The following SLC23A2 variants were observed in gnomAD, a reference collection of about 807,000 sequenced individuals.
SLC23A2 encodes the protein solute carrier family 23 member 2.
SLC23A2 carries 36 observed loss-of-function variants against 73.3 expected under a neutral mutation model. That is an observed-to-expected ratio of 0.49 (90% CI 0.38 to 0.65). The LOEUF is 0.65. SLC23A2 is among the 30% of genes least tolerant of loss of function. SLC23A2 has a pLI of 0.00. For missense variants in SLC23A2, 507 were observed against 841.6 expected, an observed-to-expected ratio of 0.60 and a Z score of 4.92; for synonymous variants, 343 against 327.3, an observed-to-expected ratio of 1.05 and a Z score of -0.52.
At chr20:4,900,696 T>C (rs572730176) in intron 5 of SLC23A2, among the ~76,000 whole-genome samples, 1 of 152,324 alleles carries the variant, frequency 6.6e-6, no homozygotes, top group East Asian at 1.9e-4. Flanking sequence ...ACAGTAGCCA[T>C]GGGAATCTTC....
At chr20:4,972,714 C>G (rs969150292) in intron 1 of SLC23A2, among the ~76,000 whole-genome samples, 1 of 151,976 alleles carries the variant, frequency 6.6e-6, no homozygotes, top group Non-Finnish European at 1.5e-5. Context: ...GCCTCCCGAG[C>G]AGCTGGGATT....
chr20:4,912,813 A>G lies in SLC23A2; in HGVS notation c.207+67T>C. On this transcript the variant is annotated intron_variant, in intron 4 of 16. Coordinates refer to ENST00000338244, the MANE Select transcript of SLC23A2 (RefSeq NM_005116.6). The stretch of plus-strand genomic sequence containing the variant: ...GTGTCTGAAAGGGATCCGGATCCAG[A>G]TCCGGGGCAGCACTTGTGGGAGGGG... The G allele has an allele frequency of 6.9e-6, 7 of 1,017,154 alleles. No individual in the cohort carries two copies. In the South Asian group the frequency reaches 9.0e-5, roughly 13 times the overall value. 63.0% of individuals were successfully genotyped at this position (1,017,154 alleles called of 1,614,324 possible). A position where few individuals can be genotyped will look rare whatever the true frequency, so the allele number is the denominator to read the frequency against.
chr20:4,952,709 T>C (rs1394250157), intron 2 of SLC23A2, among the ~76,000 whole-genome samples: 1 of 152,200 alleles, frequency 6.6e-6, no homozygotes, highest in Non-Finnish European at 1.5e-5. Context: ...CATTGCTCTC[T>C]AAACATATGC....
Position 4,899,795 on chromosome 20 carries a change from T to A in SLC23A2, c.325-83A>T. ...ATTTCATCCTAATTCTTCTCTCTTA[T>A]TGTCGTTAAAAAATAGCCCACATAA... On this transcript the variant is annotated intron_variant, in intron 5 of 16. Transcript: ENST00000338244. The surrounding 1 kb of genome is among the most constrained non-coding windows in gnomAD (Gnocchi z 4.9). The A allele has an allele frequency of 7.1e-7, 1 of 1,410,934 alleles. No homozygotes were observed. The highest frequency in any genetic ancestry group is 9.8e-7 in the Non-Finnish European group (1 of 1,023,154). The allele number at this position is 1,410,934 out of a possible 1,614,324, so 87.4% of individuals were successfully genotyped here.
chr20:4,994,452 G>A (rs770164174), intron 1 of SLC23A2, among the ~76,000 whole-genome samples: 6 of 152,096 alleles, frequency 3.9e-5, no homozygotes, highest in Admixed American at 1.3e-4. Context: ...AAGCCAAACC[G>A]AATTTGAGGC....
intron 4 of SLC23A2, among the ~76,000 whole-genome samples, chr20:4,906,611 C>T (rs1160378466): frequency 1.3e-5 from 2 of 152,094 alleles, no homozygotes; most frequent in South Asian, 2.1e-4. Context: ...CAGAGTGACA[C>T]TCTGTCTCAA....
intron 15 of SLC23A2, 108 bp from the exon 16 acceptor site, chr20:4,859,492 GA>G: frequency 4.0e-6 from 3 of 756,138 alleles, no homozygotes; most frequent in Non-Finnish European, 7.2e-6. Flanking sequence ...ATCAAAGCAG[GA>G]AAGGAAAGTG....
chr20:4,994,378 C>T lies in SLC23A2; in HGVS notation c.-282+7028G>A, dbSNP rs188610619. On this transcript the variant is annotated intron_variant, in intron 1 of 16. Coordinates refer to ENST00000338244, the MANE Select transcript of SLC23A2 (RefSeq NM_005116.6). The stretch of plus-strand genomic sequence containing the variant: ...CAAGGAAGGTGTTGTAGTTAGCCCC[C>T]AGCTAGGTGATCTGCCTTTGGAGAC... 4.3e-4 allele frequency among the ~76,000 whole-genome samples: 65 copies of T among 152,238 alleles called. 1 individual carries two copies. Among genetic ancestry groups the T allele is most frequent in the Non-Finnish European group, 1.9e-4 (13 of 68,028 alleles).
intron 3 of SLC23A2, among the ~76,000 whole-genome samples, chr20:4,916,835 C>A (rs184888721): frequency 2.0e-5 from 3 of 152,136 alleles, no homozygotes; most frequent in Admixed American, 6.5e-5. Context: ...ATAAAATAGG[C>A]TTTGTGTTAG....
At position 5,001,210 on chromosome 20, in the gene SLC23A2, G is replaced by A. The variant is rs537517198; in HGVS notation, c.-282+196C>T. Among the ~76,000 whole-genome samples, 152 of 150,692 alleles carry A rather than the reference G, an allele frequency of 1.0e-3. No homozygotes were observed. The South Asian group carries it at 0.01, about 10-fold the overall frequency. Reference sequence around the variant, plus strand: ...GCCGCCGGGCATCTTGGGCCCCGGGGCCAGGGTGGCCGGCGGGCGCGGGGT... The same window carrying A: ...GCCGCCGGGCATCTTGGGCCCCGGGACCAGGGTGGCCGGCGGGCGCGGGGT... On this transcript the variant is annotated intron_variant, in intron 1 of 16. Coordinates refer to ENST00000338244, the MANE Select transcript of SLC23A2 (RefSeq NM_005116.6).
chr20:4,940,670 T>C (rs550423378), intron 2 of SLC23A2, among the ~76,000 whole-genome samples: 1 of 152,358 alleles, frequency 6.6e-6, no homozygotes, highest in South Asian at 2.1e-4. Context: ...TGTTATTTTT[T>C]AACTTGCCTT....
chr20:4,940,454 G>C (rs2087022836), intron 2 of SLC23A2, among the ~76,000 whole-genome samples: 1 of 151,300 alleles, frequency 6.6e-6, no homozygotes, highest in African/African-American at 2.4e-5. Context: ...GTAACTATTA[G>C]TCATTAAAAA....
In SLC23A2 at chr20:4,973,075, A is replaced by G. The variant is rs571550354; in HGVS notation, c.-281-2156T>C. On this transcript the variant is annotated intron_variant, in intron 1 of 16. Coordinates refer to ENST00000338244, the MANE Select transcript of SLC23A2 (RefSeq NM_005116.6). ...TTCCTTGAAAAATACAGGTTGTACA[A>G]TATGTGTGGTTATGATTTCACTTTT... is the stretch of plus-strand genomic sequence containing the variant. Among the ~76,000 whole-genome samples, 38 of 152,350 alleles carry G rather than the reference A, an allele frequency of 2.5e-4. 1 individual carries two copies. The highest frequency in any genetic ancestry group is 3.4e-3 in the Middle Eastern group (1 of 294).
intron 2 of SLC23A2, among the ~76,000 whole-genome samples, chr20:4,953,255 A>G (rs145772578): frequency 0.018 from 2,671 of 151,992 alleles, 82 homozygotes; most frequent in African/African-American, 0.062. Flanking sequence ...GCAGTCAGCC[A>G]AGATAGCGCC....
intron 1 of SLC23A2, among the ~76,000 whole-genome samples, chr20:5,008,663 T>C (rs1230305081): frequency 6.6e-6 from 1 of 152,158 alleles, no homozygotes; most frequent in Non-Finnish European, 1.5e-5. Flanking sequence ...CACTTTCCCA[T>C]GAGGGACCTC....
Position 4,857,167 on chromosome 20 carries a change from C to A in SLC23A2, c.1758G>T (p.Lys586Asn). 1 of 1,611,222 alleles carries A rather than the reference C, an allele frequency of 6.2e-7. No homozygotes were observed. The highest frequency in any genetic ancestry group is 8.5e-7 in the Non-Finnish European group (1 of 1,177,868). Residue 586 changes from lysine (K) to asparagine (N), a missense_variant, in exon 17 of 17, where the codon AAG (lysine) becomes AAT (asparagine). Around this residue, in one of 5 missense-constraint regions of SLC23A2, gnomAD observed 168 missense variants for 302.3 expected, o/e 0.56. Transcript: ENST00000338244. This position sits in a 1 kb window ranked among gnomAD's most constrained non-coding sequence, Gnocchi z 4.0. ...PEERGIRKWK[K>N]GVGKGNKSLD... ...GTGATTTGTTCCCTTTGCCCACACCCTTCTTCCATTTCCGGATTCCTCTTT... is the reference window on the plus strand; with the variant it reads ...GTGATTTGTTCCCTTTGCCCACACCATTCTTCCATTTCCGGATTCCTCTTT...
chr20:4,867,713 C>A, intron 13 of SLC23A2, 57 bp downstream of exon 13: 3 of 961,706 alleles, frequency 3.1e-6, no homozygotes, highest in East Asian at 2.7e-5. Flanking sequence ...CCAGATCGAT[C>A]AATGAAATGG....
At chr20:4,886,190 A>C (rs893630461) in intron 6 of SLC23A2, among the ~76,000 whole-genome samples, 1 of 151,766 alleles carries the variant, frequency 6.6e-6, no homozygotes, top group African/African-American at 2.4e-5. Context: ...TGCCATCACC[A>C]CCTTTCCTCT....
chr20:4,912,104 C>T (rs1468332066), intron 4 of SLC23A2, among the ~76,000 whole-genome samples: 3 of 151,620 alleles, frequency 2.0e-5, no homozygotes, highest in African/African-American at 7.3e-5. Flanking sequence ...CTCAGCCTCC[C>T]AAAGTATTGG....
Sources: gnomAD v4.1 joint callset for allele counts (sites outside exome capture counted in the v4.1 genomes callset) on GRCh38, gnomAD v4.1.1 for gene constraint, gnomAD v4.1.1 regional missense constraint, Gnocchi (gnomAD v3.1) non-coding constraint, MANE v1.5 for transcripts, NCBI Gene and HGNC (gene_info 2026-07-23, HGNC 2026-07-21) for gene names.